Variants in UNC79 observed in about 807,000 individuals in gnomAD.
UNC79 encodes unc-79 subunit of NALCN channel complex.
A neutral mutation model predicts 283.1 loss-of-function variants in UNC79; 37 were observed. The observed-to-expected ratio is 0.13, with a 90% CI of 0.10 to 0.17. The LOEUF (loss-of-function observed/expected upper bound fraction) is 0.17. Among genes scored for constraint, UNC79 ranks in the 10% least tolerant of loss-of-function variants. The pLI, the probability that UNC79 is intolerant of heterozygous loss-of-function variation, is 1.00. For missense variants in UNC79, 2,272 were observed against 3,211.1 expected, an observed-to-expected ratio of 0.71 and a Z score of 7.07; for synonymous variants, 1,107 against 1,200.2, an observed-to-expected ratio of 0.92 and a Z score of 1.61.
At chr14:93,614,043 T>TAA (rs201790798) in intron 27 of UNC79, among the ~76,000 whole-genome samples, 10 of 125,876 alleles carry the variant, frequency 7.9e-5, no homozygotes, top group South Asian at 7.7e-4. Context: ...TCATGCACAG[T>TAA]AAAAAAAAAA....
intron 8 of UNC79, among the ~76,000 whole-genome samples, chr14:93,526,449 T>TA (rs1401320776): frequency 2.0e-5 from 3 of 152,218 alleles, no homozygotes; most frequent in Admixed American, 2.0e-4. Context: ...CAGTAATACT[T>TA]ATCATGGTGA....
chr14:93,548,426 T>C (rs993095967), intron 14 of UNC79, among the ~76,000 whole-genome samples: 1 of 152,198 alleles, frequency 6.6e-6, no homozygotes, highest in Admixed American at 6.5e-5. Flanking sequence ...ATTCAGACTG[T>C]GGTAGTTTCC....
rs897287582 is a variant in UNC79, at chr14:93,334,688, C to T, written c.-351+1165C>T. The T allele has an allele frequency of 2.6e-5, 4 of 152,326 alleles. No individual in the cohort carries two copies. In the East Asian group the frequency reaches 5.8e-4, roughly 22 times the overall value. The allele number at this position is 152,326 out of a possible 1,614,324, so 9.4% of individuals were successfully genotyped here. Reference sequence around the variant, plus strand: ...CAACACGGGTTTGAACTGTGCGGATCGATCAATGCAACCTGGTACATGGGA... The same window carrying T: ...CAACACGGGTTTGAACTGTGCGGATTGATCAATGCAACCTGGTACATGGGA... On this transcript the variant is annotated intron_variant, in intron 1 of 49. Coordinates refer to the UNC79 transcript ENST00000256339.
chr14:93,383,890 A>G (rs959986439), intron 1 of UNC79, among the ~76,000 whole-genome samples: 25 of 102,502 alleles, frequency 2.4e-4, no homozygotes, highest in Middle Eastern at 4.5e-3. Flanking sequence ...TGGTTTCAAA[A>G]AACATGAGTT....
chr14:93,534,902 C>T (rs6575338), intron 11 of UNC79, among the ~76,000 whole-genome samples: 130,345 of 152,216 alleles, frequency 0.86, 55,962 homozygotes, highest in East Asian at 0.93. Flanking sequence ...GTGTTTTACA[C>T]AGACATTAAT....
intron 1 of UNC79, among the ~76,000 whole-genome samples, chr14:93,408,563 A>C (rs1302718921): frequency 6.6e-6 from 1 of 152,278 alleles, no homozygotes; most frequent in Non-Finnish European, 1.5e-5. Context: ...ATGGTGGTGC[A>C]CGCCTGTGGT....
rs376241988 is a variant in UNC79, at chr14:93,694,442, A to G, written c.7548+30A>G. ...GAAAACCTTATGATTTTTAAAGACC[A>G]TTTCTTACTGCTAAAAACAAATGTG... On this transcript the variant is annotated intron_variant, in intron 47 of 48. Transcript: ENST00000555664. 1.5e-5 allele frequency: 23 copies of G among 1,574,636 alleles called. No individual in the cohort carries two copies. The African/African-American group carries it at 2.2e-4, about 15-fold the overall frequency.
chr14:93,481,513 G>A (rs924785948), intron 4 of UNC79, among the ~76,000 whole-genome samples: 2 of 152,074 alleles, frequency 1.3e-5, no homozygotes, highest in African/African-American at 4.8e-5. Flanking sequence ...AGATATAATT[G>A]TTTAAGATTA....
chr14:93,551,882 T>C (rs2061919382), intron 14 of UNC79, among the ~76,000 whole-genome samples: 1 of 152,194 alleles, frequency 6.6e-6, no homozygotes, highest in East Asian at 1.9e-4. Context: ...TGAACAGCTA[T>C]GCTGAACAGG....
chr14:93,626,344 TCTGTAGTC>T (rs1403588220), intron 30 of UNC79, among the ~76,000 whole-genome samples: 1 of 151,826 alleles, frequency 6.6e-6, no homozygotes, highest in Admixed American at 6.6e-5. Flanking sequence ...AGGTTAACTG[TCTGTAGTC>T]CTGTCTACAC....
intron 22 of UNC79, among the ~76,000 whole-genome samples, chr14:93,587,276 T>G (rs1250653571): frequency 6.6e-6 from 1 of 152,216 alleles, no homozygotes; most frequent in Non-Finnish European, 1.5e-5. Flanking sequence ...AAAATAGAAC[T>G]GCTAATAGAT....
chr14:93,567,293 T>A (rs2062949676), intron 14 of UNC79, among the ~76,000 whole-genome samples: 1 of 152,190 alleles, frequency 6.6e-6, no homozygotes, highest in South Asian at 2.1e-4. Flanking sequence ...TGGCGCAATC[T>A]CGGCTCAGTG....
At chr14:93,631,078 G>A (rs535846463) in intron 31 of UNC79, among the ~76,000 whole-genome samples, 170 bp downstream of exon 33, 7 of 152,156 alleles carry the variant, frequency 4.6e-5, no homozygotes, top group Admixed American at 1.3e-4. Flanking sequence ...GAGTAGGATG[G>A]CCCACTTTCG....
At chr14:93,457,838 C>T (rs2056838868) in intron 1 of UNC79, among the ~76,000 whole-genome samples, 3 of 152,056 alleles carry the variant, frequency 2.0e-5, no homozygotes, top group Non-Finnish European at 4.4e-5. Flanking sequence ...GAGGGTAGAC[C>T]CTGGAGTTGA....
chr14:93,669,500 C>T (rs1438606911), intron 40 of UNC79, among the ~76,000 whole-genome samples: 2 of 152,138 alleles, frequency 1.3e-5, no homozygotes, highest in Non-Finnish European at 2.9e-5. Context: ...GATGCCATGC[C>T]TCCTGACCCA....
intron 14 of UNC79, among the ~76,000 whole-genome samples, chr14:93,564,827 A>G (rs770098329): frequency 3.0e-4 from 45 of 152,146 alleles, no homozygotes; most frequent in Non-Finnish European, 5.3e-4. Flanking sequence ...AGGAGAAGGA[A>G]TTTCACAAGG....
At position 93,622,544 on chromosome 14, in the gene UNC79, G is replaced by C. The variant is rs373932169; in HGVS notation, c.5311G>C (p.Gly1771Arg). The change falls in exon 30 of 49, where the codon GGG becomes CGG. Residue 1771 changes from glycine (G) to arginine (R), a missense_variant. Coordinates refer to ENST00000555664, the Ensembl canonical transcript of UNC79. ...TGATCACCCTGACCCGGGCACTGAG[G>C]GGGAGAAGCCTGGGGAGCTGATGCC... is the stretch of plus-strand genomic sequence containing the variant. 101 of 1,613,948 alleles carry C rather than the reference G, an allele frequency of 6.3e-5. No homozygotes were observed. In the African/African-American group the frequency reaches 1.2e-3, roughly 19 times the overall value.
intron 23 of UNC79, among the ~76,000 whole-genome samples, chr14:93,596,455 T>G (rs969588646): frequency 4.6e-5 from 7 of 152,110 alleles, no homozygotes; most frequent in African/African-American, 1.7e-4. Context: ...GCCAACATGG[T>G]GAAACCCTGT....
chr14:93,532,641 A>G (rs1278151062), intron 11 of UNC79, 63 bp downstream of exon 11: 4 of 1,595,174 alleles, frequency 2.5e-6, no homozygotes, highest in Non-Finnish European at 3.4e-6. Context: ...AAATTCATTT[A>G]TTGACATCTG....
Sources: gnomAD v4.1 joint callset for allele counts (sites outside exome capture counted in the v4.1 genomes callset) on GRCh38, gnomAD v4.1.1 for gene constraint, MANE v1.5 for transcripts, NCBI Gene and HGNC (gene_info 2026-07-23, HGNC 2026-07-21) for gene names.